Variants in ARFGAP3 observed in about 807,000 individuals in gnomAD.
ARFGAP3 encodes ARF GTPase activating protein 3.
Under a neutral mutation model 75.0 loss-of-function variants are expected in ARFGAP3, and 72 were observed. The ratio of observed to expected loss-of-function variants is 0.96; its 90% CI spans 0.79 to 1.17. The LOEUF is 1.17. ARFGAP3 is among the 50% of genes most tolerant of loss of function. The pLI is 0.00. For missense variants in ARFGAP3, 620 were observed against 626.6 expected (o/e 0.99, Z 0.11); for synonymous variants, 221 against 217.9 (o/e 1.01, Z -0.13).
chr22:42,842,517 A>T (rs1027228010), intron 2 of ARFGAP3, among the ~76,000 whole-genome samples: 5 of 151,158 alleles, frequency 3.3e-5, no homozygotes, highest in Non-Finnish European at 7.4e-5. Context: ...AGGCGATCTC[A>T]GCTCATGGTA....
chr22:42,802,597 A>G (rs1924920833), intron 14 of ARFGAP3, among the ~76,000 whole-genome samples: 1 of 148,204 alleles, frequency 6.7e-6, no homozygotes, highest in Non-Finnish European at 1.5e-5. Context: ...CTGGCCCAAA[A>G]TAAGAATTTT....
chr22:42,842,214 A>G (rs1057149814), intron 2 of ARFGAP3, among the ~76,000 whole-genome samples: 6 of 151,240 alleles, frequency 4.0e-5, no homozygotes, highest in African/African-American at 1.5e-4. Flanking sequence ...CATGTTGGTC[A>G]GGTTGGTCTC....
intron 13 of ARFGAP3, among the ~76,000 whole-genome samples, chr22:42,808,271 G>A (rs1925213587): frequency 6.6e-6 from 1 of 151,696 alleles, no homozygotes; most frequent in African/African-American, 2.4e-5. Flanking sequence ...AGTGGTGCAC[G>A]GCCGTATTCC....
At chr22:42,797,814 G>T in intron 15 of ARFGAP3, 1 of 884,354 alleles carries the variant, frequency 1.1e-6, no homozygotes. Context: ...GAACCCAACA[G>T]GATTCACATC....
At chr22:42,832,699 T>C (rs967953627) in intron 5 of ARFGAP3, among the ~76,000 whole-genome samples, 1 of 151,784 alleles carries the variant, frequency 6.6e-6, no homozygotes, top group African/African-American at 2.4e-5. Flanking sequence ...AAGGGCTAAA[T>C]AGTAGGCCCG....
chr22:42,810,967 G>T, intron 11 of ARFGAP3, 23 bp from the exon 12 acceptor site: 1 of 1,611,802 alleles, frequency 6.2e-7, no homozygotes, highest in Non-Finnish European at 8.5e-7. Flanking sequence ...GAGTACAACA[G>T]TGACTTTGGA....
chr22:42,835,680 G>T (rs1422108320), intron 3 of ARFGAP3, 187 bp from the exon 4 acceptor site: 1 of 242,162 alleles, frequency 4.1e-6, no homozygotes, highest in African/African-American at 2.3e-5. Context: ...AATTAGCCAG[G>T]CGTGGTGGCG....
intron 1 of ARFGAP3, among the ~76,000 whole-genome samples, chr22:42,855,625 G>T (rs1927461082): frequency 6.6e-6 from 1 of 151,850 alleles, no homozygotes; most frequent in African/African-American, 2.4e-5. Context: ...AGAGGTTGCA[G>T]TGAGCTGAGA....
intron 1 of ARFGAP3, among the ~76,000 whole-genome samples, chr22:42,854,654 AAG>A (rs909455127): frequency 2.0e-5 from 3 of 152,168 alleles, no homozygotes; most frequent in Admixed American, 2.0e-4. Context: ...AAAAAGAAAA[AAG>A]AGAATTGACC....
At chr22:42,805,049 C>T (rs1925056638) in intron 14 of ARFGAP3, among the ~76,000 whole-genome samples, 1 of 152,230 alleles carries the variant, frequency 6.6e-6, no homozygotes, top group Admixed American at 6.5e-5. Flanking sequence ...GAGGTTTGCT[C>T]AAGGCCCGGA....
At position 42,857,214 on chromosome 22, in the gene ARFGAP3, A is replaced by T. The variant is rs1412172415; in HGVS notation, c.-32T>A. ...CTGTGAGCCGCGGCGCAGCTGGCCCAGCCAACCGGTAAGAGTCGACGAAAA... is the reference window on the plus strand; with the variant it reads ...CTGTGAGCCGCGGCGCAGCTGGCCCTGCCAACCGGTAAGAGTCGACGAAAA... On this transcript the variant is annotated 5_prime_UTR_variant, in exon 1 of 16. Transcript: ENST00000263245. 6.7e-7 allele frequency: 1 copy of T among 1,502,666 alleles called. No homozygotes were observed. The highest frequency in any genetic ancestry group is 2.2e-5 in the Admixed American group (1 of 46,240). 93.1% of individuals were successfully genotyped at this position (1,502,666 alleles called of 1,614,324 possible).
intron 15 of ARFGAP3, chr22:42,797,820 AC>A: frequency 3.6e-6 from 3 of 842,436 alleles, no homozygotes; most frequent in Non-Finnish European, 4.3e-6. Context: ...AACAGGATTC[AC>A]ATCCTGCCTC....
At chr22:42,857,000 T>G in intron 1 of ARFGAP3, 114 bp downstream of exon 1, 17 of 1,064,304 alleles carry the variant, frequency 1.6e-5, no homozygotes, top group Admixed American at 4.7e-5. Flanking sequence ...CAGTGCGACG[T>G]GTCACAGGCC....
Position 42,835,397 on chromosome 22 carries a change from G to A in ARFGAP3, c.358C>T (p.Leu120Phe), listed in dbSNP as rs1400449336. ...TGCTTCCGTGTTGCTTGAGAGGCGA[G>A]CGATTTGATTTTCTCCCTATAGAGC... ...AQLYREKIKSLASQATRKHGT... is the reference protein window; with the variant it reads ...AQLYREKIKSFASQATRKHGT... The change falls in exon 4 of 16, where the codon CTC becomes TTC. Residue 120 changes from leucine to phenylalanine, a missense_variant. Coordinates refer to ENST00000263245, the MANE Select transcript of ARFGAP3 (RefSeq NM_014570.5). The A allele has an allele frequency of 6.2e-7, 1 of 1,614,104 alleles. No homozygotes were observed. Among genetic ancestry groups the A allele is most frequent in the Admixed American group, 1.7e-5 (1 of 60,018 alleles).
rs1201290267 is a variant in ARFGAP3 at position 42,808,874 on chromosome 22, T to G, written c.1213A>C (p.Lys405Gln). The change falls in exon 13 of 16, where the codon AAG (lysine) becomes CAG (glutamine). Residue 405 changes from lysine to glutamine, a missense_variant. Coordinates refer to ENST00000263245, the MANE Select transcript of ARFGAP3 (RefSeq NM_014570.5). Reference sequence around the variant, plus strand: ...TTTTCAACTGGCTCATAATCTGGCTTGCGGCGAGCAGTAGGTCTGCAATTA... The same window carrying G: ...TTTTCAACTGGCTCATAATCTGGCTGGCGGCGAGCAGTAGGTCTGCAATTA... ...GYSDRPTARRKPDYEPVENTD... is the reference protein window; with the variant it reads ...GYSDRPTARRQPDYEPVENTD... 7 of 1,611,434 alleles carry G rather than the reference T, an allele frequency of 4.3e-6. 1 individual carries two copies. The highest frequency in any genetic ancestry group is 1.7e-4 in the Middle Eastern group (1 of 6,054).
chr22:42,830,564 C>T (rs1926241254), intron 6 of ARFGAP3, among the ~76,000 whole-genome samples: 1 of 152,162 alleles, frequency 6.6e-6, no homozygotes, highest in East Asian at 1.9e-4. Flanking sequence ...TCCAAAGTTA[C>T]ATTTTTGTTG....
chr22:42,838,288 A>ATTTTTT (rs200113978), intron 3 of ARFGAP3, among the ~76,000 whole-genome samples: 1 of 130,676 alleles, frequency 7.7e-6, no homozygotes, highest in Non-Finnish European at 1.6e-5. Flanking sequence ...ATATATATAT[A>ATTTTTT]TATTTTTTTT....
chr22:42,810,025 A>T (rs1231534269), intron 12 of ARFGAP3, among the ~76,000 whole-genome samples: 2 of 151,228 alleles, frequency 1.3e-5, no homozygotes, highest in Non-Finnish European at 2.9e-5. Flanking sequence ...AAAAAAAAAA[A>T]AAATTGGGGA....
intron 7 of ARFGAP3, among the ~76,000 whole-genome samples, chr22:42,825,362 T>C (rs1925992039): frequency 6.6e-6 from 1 of 152,220 alleles, no homozygotes; most frequent in Non-Finnish European, 1.5e-5. Flanking sequence ...GATTTTATCA[T>C]ATTAGCCAAA....
Sources: allele counts gnomAD v4.1 joint callset (sites outside exome capture counted in the v4.1 genomes callset), GRCh38; gene constraint gnomAD v4.1.1; transcripts MANE v1.5; gene names NCBI Gene and HGNC (gene_info 2026-07-23, HGNC 2026-07-21).